Variants in CPQ observed in about 807,000 individuals in gnomAD.
CPQ encodes the protein carboxypeptidase Q, also known as Ser-Met dipeptidase.
In CPQ, 37 loss-of-function variants were observed where a neutral mutation model predicts 45.7. The ratio of observed to expected loss-of-function variants is 0.81; its 90% CI spans 0.62 to 1.07. The LOEUF (loss-of-function observed/expected upper bound fraction) is 1.07, where lower values mean the gene tolerates loss of function less well. Ranked by LOEUF, CPQ falls within the 50% of genes least tolerant of loss-of-function variation. CPQ has a pLI of 0.00. For synonymous variants in CPQ, 186 were observed against 205.8 expected, an observed-to-expected ratio of 0.90 and a Z score of 0.82; for missense variants, 537 against 572.9, an observed-to-expected ratio of 0.94 and a Z score of 0.64.
chr8:96,741,110 C>CT (rs1810084429), intron 1 of CPQ, among the ~76,000 whole-genome samples: 1 of 152,164 alleles, frequency 6.6e-6, no homozygotes, highest in Non-Finnish European at 1.5e-5. Flanking sequence ...GTCCTGGACT[C>CT]TTTTTCGTTG....
At chr8:96,802,876 C>T (rs1811024609) in intron 2 of CPQ, among the ~76,000 whole-genome samples, 1 of 152,094 alleles carries the variant, frequency 6.6e-6, no homozygotes, top group Non-Finnish European at 1.5e-5. Context: ...TTTTTTTGAG[C>T]TTACCCTTCA....
intron 1 of CPQ, among the ~76,000 whole-genome samples, chr8:96,648,498 A>G (rs768673736): frequency 2.0e-5 from 3 of 152,102 alleles, no homozygotes; most frequent in East Asian, 1.9e-4. Flanking sequence ...GCAGCAAAGT[A>G]TTTGGAGGGA....
intron 6 of CPQ, 62 bp downstream of exon 6, chr8:97,029,556 T>C: frequency 7.0e-7 from 1 of 1,434,086 alleles, no homozygotes; most frequent in Non-Finnish European, 9.6e-7. Flanking sequence ...ATCCCTCTCA[T>C]TGTCCATTTA....
intron 5 of CPQ, among the ~76,000 whole-genome samples, chr8:96,993,245 ATTATTTGCTTC>A (rs1809125593): frequency 1.3e-5 from 2 of 152,216 alleles, no homozygotes; most frequent in Admixed American, 1.3e-4. Flanking sequence ...TTGTGTATGC[ATTATTTGCTTC>A]TTGAATAAGA....
At chr8:96,869,223 A>C (rs1206629682) in intron 3 of CPQ, among the ~76,000 whole-genome samples, 1 of 152,022 alleles carries the variant, frequency 6.6e-6, no homozygotes, top group African/African-American at 2.4e-5. Flanking sequence ...ATTTTAAAGC[A>C]CCAAATTTTG....
At chr8:97,044,891 C>G (rs1415858840) in intron 6 of CPQ, among the ~76,000 whole-genome samples, 2 of 152,166 alleles carry the variant, frequency 1.3e-5, no homozygotes, top group African/African-American at 4.8e-5. Context: ...TCAGTCTGCC[C>G]CTACTGGGGG....
At chr8:96,912,532 C>T (rs1180382111) in intron 4 of CPQ, among the ~76,000 whole-genome samples, 1 of 152,140 alleles carries the variant, frequency 6.6e-6, no homozygotes, top group Non-Finnish European at 1.5e-5. Context: ...ATTTTGAGGA[C>T]TCAGGGGCAT....
intron 7 of CPQ, among the ~76,000 whole-genome samples, chr8:97,077,846 G>A (rs1026250499): frequency 1.3e-5 from 2 of 152,038 alleles, no homozygotes; most frequent in Non-Finnish European, 2.9e-5. Context: ...ATTCTGAATG[G>A]TACAGTCTAA....
chr8:96,940,302 A>C (rs1813107823), intron 4 of CPQ, among the ~76,000 whole-genome samples: 1 of 152,204 alleles, frequency 6.6e-6, no homozygotes, highest in South Asian at 2.1e-4. Flanking sequence ...GAAGGTTAAC[A>C]TTGCTACCAT....
intron 2 of CPQ, among the ~76,000 whole-genome samples, chr8:96,819,157 T>A (rs1811267038): frequency 6.6e-6 from 1 of 152,044 alleles, no homozygotes; most frequent in Non-Finnish European, 1.5e-5. Context: ...CACAATTACC[T>A]TTTAAAACAC....
rs1393811944 is a variant in CPQ, at chr8:97,066,100, G to C, written c.1145G>C (p.Arg382Thr). The part of the protein sequence containing the change: ...GLQFTGSEKA[R>T]AIMEEVMSLL... Reference sequence around the variant, plus strand: ...CAATTCACTGGCAGTGAAAAGGCCAGGGCCATCATGGAGGAGGTTATGAGC... The same window carrying C: ...CAATTCACTGGCAGTGAAAAGGCCACGGCCATCATGGAGGAGGTTATGAGC... Residue 382 changes from arginine (R) to threonine (T), a missense_variant, in exon 7 of 8, where the codon AGG becomes ACG. Coordinates refer to ENST00000220763, the MANE Select transcript of CPQ (RefSeq NM_016134.4). The C allele has an allele frequency of 6.2e-7, 1 of 1,612,558 alleles. No homozygotes were observed. The highest frequency in any genetic ancestry group is 1.1e-5 in the South Asian group (1 of 90,842).
chr8:96,955,970 A>C (rs920505044), intron 4 of CPQ, among the ~76,000 whole-genome samples: 3 of 152,204 alleles, frequency 2.0e-5, no homozygotes, highest in African/African-American at 7.2e-5. Flanking sequence ...ATGGGCAAGG[A>C]CTTCATGTCT....
At chr8:96,917,156 A>T (rs1339930463) in intron 4 of CPQ, among the ~76,000 whole-genome samples, 2 of 152,200 alleles carry the variant, frequency 1.3e-5, no homozygotes, top group South Asian at 4.1e-4. Flanking sequence ...TAATTCCAGG[A>T]TTTAAAAAAA....
chr8:96,689,378 G>A (rs924206915), intron 1 of CPQ, among the ~76,000 whole-genome samples: 1 of 152,150 alleles, frequency 6.6e-6, no homozygotes, highest in Non-Finnish European at 1.5e-5. Context: ...ATTGTTACAT[G>A]TCAAGGCTTC....
intron 1 of CPQ, among the ~76,000 whole-genome samples, chr8:96,685,589 T>C (rs961950873): frequency 1.3e-4 from 20 of 152,146 alleles, no homozygotes; most frequent in African/African-American, 4.6e-4. Context: ...GATCTATTTT[T>C]CTGTTTACAA....
rs1192864620 is a variant in CPQ at position 97,020,270 on chromosome 8, A to C, written c.962-9133A>C. On this transcript the variant is annotated intron_variant, in intron 5 of 7. Coordinates refer to ENST00000220763, the MANE Select transcript of CPQ (RefSeq NM_016134.4). The stretch of plus-strand genomic sequence containing the variant: ...TCATAGCATTAAATGCCTACATCAA[A>C]AAGTCTGAAAGAGCACAAATTGAGA... Among the ~76,000 whole-genome samples, 2 of 152,140 alleles carry C rather than the reference A, an allele frequency of 1.3e-5. 1 individual carries two copies. The highest frequency in any genetic ancestry group is 4.1e-4 in the South Asian group (2 of 4,824).
intron 7 of CPQ, chr8:97,092,940 G>C (rs1811149765): frequency 6.6e-6 from 1 of 152,080 alleles, no homozygotes; most frequent in Admixed American, 6.6e-5. Context: ...CTAATATCTA[G>C]AATCTATAAG....
At chr8:97,012,492 G>A (rs912645555) in intron 5 of CPQ, among the ~76,000 whole-genome samples, 1 of 152,148 alleles carries the variant, frequency 6.6e-6, no homozygotes, top group Non-Finnish European at 1.5e-5. Context: ...TGAGAATGGA[G>A]GCATAGCATT....
chr8:97,049,850 G>T (rs949410962), intron 6 of CPQ, among the ~76,000 whole-genome samples: 2 of 152,150 alleles, frequency 1.3e-5, no homozygotes, highest in South Asian at 4.1e-4. Context: ...TGGCATTAAG[G>T]TGCCAGGCCA....
Sources: allele counts gnomAD v4.1 joint callset (sites outside exome capture counted in the v4.1 genomes callset), GRCh38; gene constraint gnomAD v4.1.1; transcripts MANE v1.5; gene names NCBI Gene and HGNC (gene_info 2026-07-23, HGNC 2026-07-21).